Variants in SRGAP2 observed in about 807,000 individuals in gnomAD.
SRGAP2 encodes SLIT-ROBO Rho GTPase activating protein 2.
In SRGAP2, 15 loss-of-function variants were observed where a neutral mutation model predicts 57.2. That is an observed-to-expected ratio of 0.26 (90% CI 0.18 to 0.40). SRGAP2 has a LOEUF of 0.40. SRGAP2 is among the 10% of genes least tolerant of loss of function. The pLI is 1.00. For synonymous variants in SRGAP2, 249 were observed against 248.0 expected, an observed-to-expected ratio of 1.00 and a Z score of -0.04; for missense variants, 520 against 669.6, an observed-to-expected ratio of 0.78 and a Z score of 2.47.
chr1:206,248,457 T>G (rs1486445531), intron 2 of SRGAP2, among the ~76,000 whole-genome samples: 1 of 152,120 alleles, frequency 6.6e-6, no homozygotes, highest in Non-Finnish European at 1.5e-5. Flanking sequence ...AATAAATGGA[T>G]TCACTCAGGG....
intron 13 of SRGAP2, among the ~76,000 whole-genome samples, chr1:206,424,836 A>G (rs1660653643): frequency 6.6e-6 from 1 of 152,134 alleles, no homozygotes; most frequent in African/African-American, 2.4e-5. Flanking sequence ...AGCCTTTGTG[A>G]CTTTGTCCAT....
intron 4 of SRGAP2, among the ~76,000 whole-genome samples, chr1:206,347,788 T>G (rs1353166198): frequency 6.7e-6 from 1 of 148,286 alleles, no homozygotes; most frequent in Non-Finnish European, 1.5e-5. Flanking sequence ...ATTTTTCTTT[T>G]GCACATAAAC....
chr1:206,244,796 C>G (rs1668443501), intron 2 of SRGAP2, among the ~76,000 whole-genome samples: 1 of 151,922 alleles, frequency 6.6e-6, no homozygotes, highest in South Asian at 2.1e-4. Flanking sequence ...GGGCGCCCCT[C>G]TTAGAAGAAA....
intron 2 of SRGAP2, among the ~76,000 whole-genome samples, chr1:206,274,077 G>A (rs2102664497): frequency 7.5e-6 from 1 of 133,184 alleles, no homozygotes; most frequent in East Asian, 2.1e-4. Flanking sequence ...AGAGAAATGA[G>A]CTTATTAAAA....
rs781991193 is a variant in SRGAP2 at position 206,437,971 on chromosome 1, C to A, written c.1641C>A (p.Asp547Glu). ...DIKNAFERGE[D>E]PLAGDQNDHD... is the part of the protein sequence containing the mutation. ...GGGGTTGCTTATCCTCAGGAGAGGA[C>A]CCCCTGGCTGGGGACCAGAACGACC... Residue 547 changes from aspartate to glutamate, a missense_variant, in exon 16 of 23, where the codon GAC becomes GAA. Asp to Glu is a conservative substitution (Grantham distance 45, BLOSUM62 2). Transcript: ENST00000573034. The A allele has an allele frequency of 1.3e-6, 1 of 780,716 alleles. No individual in the cohort carries two copies. The highest frequency in any genetic ancestry group is 2.4e-6 in the Non-Finnish European group (1 of 417,918). 48.4% of individuals were successfully genotyped at this position (780,716 alleles called of 1,614,324 possible).
intron 18 of SRGAP2, among the ~76,000 whole-genome samples, chr1:206,449,286 A>ATTTTTTTGT (rs1489255492): frequency 9.0e-6 from 1 of 110,680 alleles, no homozygotes; most frequent in Non-Finnish European, 1.8e-5. Flanking sequence ...ACACTGGATG[A>ATTTTTTTGT]TTTTTTTTTT....
intron 17 of SRGAP2, among the ~76,000 whole-genome samples, chr1:206,442,319 G>A (rs1553372311): frequency 1.3e-5 from 2 of 152,238 alleles, no homozygotes; most frequent in Non-Finnish European, 2.9e-5. Context: ...GAGTCACACA[G>A]CGTGTTCATG....
intron 2 of SRGAP2, among the ~76,000 whole-genome samples, chr1:206,245,024 A>T (rs1230926959): frequency 2.8e-5 from 4 of 143,710 alleles, no homozygotes; most frequent in Non-Finnish European, 6.1e-5. Context: ...GTCATGCCAC[A>T]TCATTGCTGC....
At chr1:206,431,118 G>A (rs782441763) in intron 14 of SRGAP2, among the ~76,000 whole-genome samples, 2 of 151,984 alleles carry the variant, frequency 1.3e-5, no homozygotes, top group African/African-American at 2.4e-5. Context: ...CTGTAAACTG[G>A]GACATTGCTC....
intron 4 of SRGAP2, among the ~76,000 whole-genome samples, chr1:206,360,403 C>T (rs1380889136): frequency 6.9e-6 from 1 of 145,700 alleles, no homozygotes; most frequent in African/African-American, 2.6e-5. Flanking sequence ...ACTGGAGAGG[C>T]ATGATACAGT....
At chr1:206,416,200 A>G (rs1261533281) in intron 11 of SRGAP2, among the ~76,000 whole-genome samples, 2 of 152,156 alleles carry the variant, frequency 1.3e-5, no homozygotes, top group Non-Finnish European at 2.9e-5. Flanking sequence ...AGTTGTTTAA[A>G]TGGAGCGTGC....
intron 17 of SRGAP2, among the ~76,000 whole-genome samples, chr1:206,442,538 A>G (rs932866541): frequency 6.6e-6 from 1 of 152,194 alleles, no homozygotes; most frequent in Non-Finnish European, 1.5e-5. Flanking sequence ...GGGAGAAACA[A>G]TAGAATAAGC....
intron 10 of SRGAP2, among the ~76,000 whole-genome samples, chr1:206,412,614 A>G (rs1366860133): frequency 2.0e-5 from 3 of 152,190 alleles, no homozygotes; most frequent in East Asian, 3.8e-4. Context: ...TTGAGATTGG[A>G]GATTATAAGC....
At chr1:206,309,341 A>C (rs1553323124) in intron 3 of SRGAP2, among the ~76,000 whole-genome samples, 1 of 151,894 alleles carries the variant, frequency 6.6e-6, no homozygotes, top group Non-Finnish European at 1.5e-5. Flanking sequence ...GCAAGCAGAG[A>C]AGTTCAGATT....
intron 7 of SRGAP2, among the ~76,000 whole-genome samples, chr1:206,398,869 TGAA>T (rs1553354560): frequency 1.3e-5 from 2 of 152,308 alleles, no homozygotes; most frequent in South Asian, 2.1e-4. Context: ...ATCTGGATCT[TGAA>T]GATCTGGTCC....
chr1:206,260,085 C>G (rs1352270515), intron 2 of SRGAP2, among the ~76,000 whole-genome samples: 1 of 68,724 alleles, frequency 1.5e-5, no homozygotes, highest in African/African-American at 5.7e-5. Flanking sequence ...AGCATACTGT[C>G]ACACCTCTGT....
chr1:206,373,017 CTTTCTTTCT>C (rs1654829024), intron 4 of SRGAP2, among the ~76,000 whole-genome samples: 3 of 97,986 alleles, frequency 3.1e-5, no homozygotes, highest in Admixed American at 1.2e-4. Flanking sequence ...TTCTTTCTTT[CTTTCTTTCT>C]TTTCTTTCTC....
At chr1:206,254,623 CAA>C (rs782651700) in intron 2 of SRGAP2, among the ~76,000 whole-genome samples, 34 of 134,564 alleles carry the variant, frequency 2.5e-4, no homozygotes, top group Admixed American at 3.7e-4. Flanking sequence ...TGCTTTCTGG[CAA>C]AAAAAAAAAA....
At chr1:206,234,727 C>T (rs1667827195) in intron 2 of SRGAP2, among the ~76,000 whole-genome samples, 1 of 151,960 alleles carries the variant, frequency 6.6e-6, no homozygotes, top group Non-Finnish European at 1.5e-5. Context: ...AAGATGGGGG[C>T]AGAGAGCTGC....
Sources: gnomAD v4.1 joint callset for allele counts (sites outside exome capture counted in the v4.1 genomes callset) on GRCh38, gnomAD v4.1.1 for gene constraint, MANE v1.5 for transcripts, NCBI Gene and HGNC (gene_info 2026-07-23, HGNC 2026-07-21) for gene names.